Variants in LDB2 observed in about 807,000 individuals in gnomAD.
The protein encoded by LDB2 is LIM domain binding 2, also known as LIM domain-binding protein 2.
Under a neutral mutation model 44.3 loss-of-function variants are expected in LDB2, and 12 were observed. That is an observed-to-expected ratio of 0.27 (90% CI 0.17 to 0.44). LDB2 has a LOEUF of 0.44. LDB2 is among the 20% of genes least tolerant of loss of function. The probability of loss-of-function intolerance (pLI) is 1.00; values close to 1 mark genes in which losing one functional copy is unlikely to be tolerated. For synonymous variants in LDB2, 164 were observed against 174.8 expected, an observed-to-expected ratio of 0.94 and a Z score of 0.49; for missense variants, 344 against 473.5, an observed-to-expected ratio of 0.73 and a Z score of 2.54.
At chr4:16,605,769 A>C (rs1723760155) in intron 2 of LDB2, among the ~76,000 whole-genome samples, 1 of 152,180 alleles carries the variant, frequency 6.6e-6, no homozygotes, top group South Asian at 2.1e-4. Flanking sequence ...CAGACACTGA[A>C]GACACAGTGG....
intron 1 of LDB2, among the ~76,000 whole-genome samples, chr4:16,763,276 T>G (rs1208189499): frequency 6.6e-6 from 1 of 152,232 alleles, no homozygotes; most frequent in African/African-American, 2.4e-5. Flanking sequence ...AAATTTCTTA[T>G]CGTGGCATCA....
At chr4:16,732,488 G>T (rs1760965260) in intron 2 of LDB2, among the ~76,000 whole-genome samples, 1 of 152,156 alleles carries the variant, frequency 6.6e-6, no homozygotes, top group East Asian at 1.9e-4. Flanking sequence ...ACAAATCACA[G>T]TGGCTCAGTC....
At chr4:16,805,393 T>C (rs1343006331) in intron 1 of LDB2, among the ~76,000 whole-genome samples, 2 of 152,264 alleles carry the variant, frequency 1.3e-5, no homozygotes, top group African/African-American at 4.8e-5. Flanking sequence ...AGATAAATTC[T>C]ACCTAATAGG....
In LDB2 at chr4:16,547,034, A is replaced by G. The variant is rs150285018; in HGVS notation, c.616-34930T>C. Among the ~76,000 whole-genome samples the G allele has an allele frequency of 4.6e-3, 696 of 152,342 alleles. 5 individuals are homozygous for G. The highest frequency in any genetic ancestry group is 7.5e-3 in the Non-Finnish European group (507 of 68,030). On this transcript the variant is annotated intron_variant, in intron 5 of 7. Transcript: ENST00000304523. ...ACTCTGGAAACTGTGAGTGAACACTATTTGAAAATAAGGCCTTTGCAGATA... is the reference window on the plus strand; with the variant it reads ...ACTCTGGAAACTGTGAGTGAACACTGTTTGAAAATAAGGCCTTTGCAGATA...
intron 5 of LDB2, among the ~76,000 whole-genome samples, chr4:16,514,520 G>T (rs1722936928): frequency 6.6e-6 from 1 of 152,116 alleles, no homozygotes; most frequent in South Asian, 2.1e-4. Context: ...TCCTTCTTAA[G>T]TCTAAGCATG....
In LDB2 at chr4:16,512,054, A is replaced by T. The variant is rs1222297051; in HGVS notation, c.666T>A (p.Thr222=). The change falls in exon 6 of 8, where the codon ACT becomes ACA. Residue 222 remains threonine (T), a synonymous_variant. Transcript: ENST00000304523. The part of the protein sequence containing the change: ...PMQELMSRHK[T]YNLSPRDCLK... Reference sequence around the variant, plus strand: ...GGCAGTCTCGGGGACTGAGGTTGTAAGTTTTATGTCTCGACATCAGTTCCT... The same window carrying T: ...GGCAGTCTCGGGGACTGAGGTTGTATGTTTTATGTCTCGACATCAGTTCCT... 6.2e-7 allele frequency: 1 copy of T among 1,613,662 alleles called. No homozygotes were observed. The highest frequency in any genetic ancestry group is 8.5e-7 in the Non-Finnish European group (1 of 1,179,822).
chr4:16,808,872 A>T (rs150177465), intron 1 of LDB2, among the ~76,000 whole-genome samples: 1 of 152,292 alleles, frequency 6.6e-6, no homozygotes, highest in Non-Finnish European at 1.5e-5. Context: ...CTAGCTCTCC[A>T]CCGAAAATCT....
intron 1 of LDB2, among the ~76,000 whole-genome samples, chr4:16,822,096 G>T (rs1382201602): frequency 2.1e-5 from 3 of 144,052 alleles, no homozygotes; most frequent in Non-Finnish European, 4.6e-5. Flanking sequence ...TCAAAAGAAG[G>T]CTTACTAGGA....
At position 16,863,762 on chromosome 4, in the gene LDB2, G is replaced by A. The variant is rs188604220; in HGVS notation, c.132+34592C>T. Among the ~76,000 whole-genome samples, 63 of 145,310 alleles carry A rather than the reference G, an allele frequency of 4.3e-4. 1 individual carries two copies. In the East Asian group the frequency reaches 0.013, roughly 31 times the overall value. On this transcript the variant is annotated intron_variant, in intron 1 of 7. Transcript: ENST00000304523. ...TGCAAGCTCTGCCTCCCGGGTTCAC[G>A]CCATTCTCCTGCCTCAGCCTTCCGA...
chr4:16,862,775 A>G (rs1319938112), intron 1 of LDB2, among the ~76,000 whole-genome samples: 2 of 152,124 alleles, frequency 1.3e-5, no homozygotes, highest in African/African-American at 4.8e-5. Context: ...TCCCACGGGA[A>G]TATAAGGAAA....
chr4:16,634,475 T>C (rs889317432), intron 2 of LDB2, among the ~76,000 whole-genome samples: 12 of 151,990 alleles, frequency 7.9e-5, no homozygotes, highest in Non-Finnish European at 1.6e-4. Context: ...CATCAAAAAA[T>C]AGGCAAAGGA....
rs146871101 is a variant in LDB2, at chr4:16,870,263, G to A, written c.132+28091C>T. Reference sequence around the variant, plus strand: ...ACGAATTCAGTAGGCAACAGGACTCGCTGCATTCATTACACAAAAAGGAGC... The same window carrying A: ...ACGAATTCAGTAGGCAACAGGACTCACTGCATTCATTACACAAAAAGGAGC... On this transcript the variant is annotated intron_variant, in intron 1 of 7. Transcript: ENST00000304523. Among the ~76,000 whole-genome samples, 203 of 152,264 alleles carry A rather than the reference G, an allele frequency of 1.3e-3. 1 individual carries two copies. The highest frequency in any genetic ancestry group is 4.3e-3 in the African/African-American group (180 of 41,568).
chr4:16,711,454 GA>G (rs1349942620), intron 2 of LDB2, among the ~76,000 whole-genome samples: 1 of 152,178 alleles, frequency 6.6e-6, no homozygotes. Context: ...GGGAAAAAGT[GA>G]GGATGATTGT....
At chr4:16,776,191 G>A (rs2109397361) in intron 1 of LDB2, among the ~76,000 whole-genome samples, 1 of 152,264 alleles carries the variant, frequency 6.6e-6, no homozygotes, top group South Asian at 2.1e-4. Context: ...AATCGTCAGT[G>A]TTCAAAATGT....
chr4:16,513,013 A>G (rs1434987544), intron 5 of LDB2, among the ~76,000 whole-genome samples: 2 of 152,248 alleles, frequency 1.3e-5, no homozygotes, highest in Non-Finnish European at 2.9e-5. Context: ...TATTGCAATT[A>G]CAATGATATA....
intron 3 of LDB2, among the ~76,000 whole-genome samples, chr4:16,594,975 G>A (rs1362482993): frequency 5.3e-5 from 8 of 152,176 alleles, no homozygotes; most frequent in Non-Finnish European, 1.5e-5. Flanking sequence ...TATCTGTAGT[G>A]TTCCAGAAAG....
chr4:16,617,302 C>CG (rs1026251456), intron 2 of LDB2, among the ~76,000 whole-genome samples: 52 of 150,926 alleles, frequency 3.4e-4, no homozygotes, highest in Middle Eastern at 3.4e-3. Context: ...AAACCCTCCC[C>CG]GGGAAAAAAA....
intron 1 of LDB2, among the ~76,000 whole-genome samples, chr4:16,822,149 A>G (rs1196367241): frequency 2.0e-5 from 3 of 152,100 alleles, no homozygotes; most frequent in African/African-American, 7.2e-5. Flanking sequence ...ATTCATATAT[A>G]CTTGCCTATG....
chr4:16,792,058 G>C (rs1775873511), intron 1 of LDB2, among the ~76,000 whole-genome samples: 1 of 152,196 alleles, frequency 6.6e-6, no homozygotes, highest in Non-Finnish European at 1.5e-5. Flanking sequence ...TGATTTTGCA[G>C]TGTTTTATAC....
Sources: allele counts gnomAD v4.1 joint callset (sites outside exome capture counted in the v4.1 genomes callset), GRCh38; gene constraint gnomAD v4.1.1; transcripts MANE v1.5; gene names NCBI Gene and HGNC (gene_info 2026-07-23, HGNC 2026-07-21).